Variants in SLC39A11 observed in about 807,000 individuals in gnomAD.
SLC39A11 encodes the protein solute carrier family 39 member 11, also known as zinc transporter ZIP11.
A neutral mutation model predicts 36.1 loss-of-function variants in SLC39A11; 33 were observed. That is an observed-to-expected ratio of 0.91 (90% CI 0.69 to 1.22). The LOEUF is 1.22. Among genes scored for constraint, SLC39A11 ranks in the 50% most tolerant of loss-of-function variants. SLC39A11 has a pLI of 0.00. For synonymous variants in SLC39A11, 166 were observed against 170.3 expected, an observed-to-expected ratio of 0.97 and a Z score of 0.20; for missense variants, 432 against 430.3, an observed-to-expected ratio of 1.00 and a Z score of -0.03.
Position 72,803,030 on chromosome 17 carries a change from CCTTT to C in SLC39A11, c.601+46600_601+46603del, listed in dbSNP as rs759633974. The stretch of plus-strand genomic sequence containing the variant: ...TTCTTGGCCCTGTTAAACCCACCGT[CCTTT>C]CTATCAAACAAAAACGGAACGTCCT... On this transcript the variant is annotated intron_variant, in intron 6 of 9. Transcript: ENST00000255559. Among the ~76,000 whole-genome samples the C allele has an allele frequency of 2.3e-4, 35 of 152,218 alleles. 1 individual carries two copies. Among genetic ancestry groups the C allele is most frequent in the Admixed American group, 4.6e-4 (7 of 15,282 alleles).
intron 4 of SLC39A11, among the ~76,000 whole-genome samples, chr17:72,978,414 G>A (rs761955305): frequency 6.6e-6 from 1 of 152,132 alleles, no homozygotes; most frequent in East Asian, 1.9e-4. Context: ...ATATACAAAC[G>A]AACAAACTGG....
At chr17:72,736,930 G>T (rs1182304871) in intron 6 of SLC39A11, among the ~76,000 whole-genome samples, 2 of 152,052 alleles carry the variant, frequency 1.3e-5, no homozygotes, top group Non-Finnish European at 2.9e-5. Context: ...AATGATTTTT[G>T]TATTTTTTAA....
chr17:72,971,079 CTT>C (rs570670652), intron 4 of SLC39A11, among the ~76,000 whole-genome samples: 29 of 152,314 alleles, frequency 1.9e-4, no homozygotes, highest in Middle Eastern at 6.8e-3. Context: ...ACCCAGACCT[CTT>C]GTTTCTCCAA....
chr17:72,738,063 G>A (rs1408325813), intron 6 of SLC39A11, among the ~76,000 whole-genome samples: 2 of 152,150 alleles, frequency 1.3e-5, no homozygotes, highest in East Asian at 3.9e-4. Flanking sequence ...GGAGTGCAGT[G>A]GCATGATCTC....
intron 3 of SLC39A11, among the ~76,000 whole-genome samples, chr17:73,042,575 C>G (rs2059145033): frequency 6.6e-6 from 1 of 152,188 alleles, no homozygotes. Flanking sequence ...CCAAGGCAGG[C>G]AGATCGCCTG....
chr17:72,731,709 CT>C (rs956099679), intron 7 of SLC39A11, among the ~76,000 whole-genome samples: 1 of 136,118 alleles, frequency 7.3e-6, no homozygotes, highest in Non-Finnish European at 1.6e-5. Context: ...TGGTGCATTC[CT>C]TTTTTTGTTT....
At position 73,023,011 on chromosome 17, in the gene SLC39A11, C is replaced by T. The variant is rs144432334; in HGVS notation, c.306+8545G>A. 2.8e-3 allele frequency among the ~76,000 whole-genome samples: 422 copies of T among 152,314 alleles called. 1 individual carries two copies. Among genetic ancestry groups the T allele is most frequent in the East Asian group, 0.017 (90 of 5,184 alleles). On this transcript the variant is annotated intron_variant, in intron 4 of 9. Coordinates refer to ENST00000255559, the MANE Select transcript of SLC39A11 (RefSeq NM_139177.4). ...CCCCAAGCCCAGAATTATCAGGCACCGCTTCCATTACTGCAAGCTCACAGG... is the reference window on the plus strand; with the variant it reads ...CCCCAAGCCCAGAATTATCAGGCACTGCTTCCATTACTGCAAGCTCACAGG...
At chr17:73,039,318 C>T (rs532974660) in intron 3 of SLC39A11, among the ~76,000 whole-genome samples, 5 of 152,228 alleles carry the variant, frequency 3.3e-5, no homozygotes, top group South Asian at 4.2e-4. Context: ...ACTTCTAAGG[C>T]GGCTCTTTTC....
chr17:72,845,010 G>A (rs1311142274), intron 6 of SLC39A11, among the ~76,000 whole-genome samples: 5 of 152,060 alleles, frequency 3.3e-5, no homozygotes, highest in East Asian at 3.9e-4. Flanking sequence ...ACCTTCAATC[G>A]GGACCCAGGA....
chr17:72,951,228 C>T (rs1007102840), intron 4 of SLC39A11, among the ~76,000 whole-genome samples: 7 of 143,230 alleles, frequency 4.9e-5, no homozygotes, highest in Non-Finnish European at 8.9e-5. Context: ...CACTACTGCA[C>T]TCCAGCCTGG....
intron 5 of SLC39A11, among the ~76,000 whole-genome samples, chr17:72,927,517 C>T (rs529566426): frequency 1.1e-4 from 17 of 152,062 alleles, no homozygotes; most frequent in Non-Finnish European, 2.2e-4. Context: ...ACTGATGCTG[C>T]TTTAAAACAA....
intron 5 of SLC39A11, among the ~76,000 whole-genome samples, chr17:72,904,404 T>A (rs2082546842): frequency 1.3e-5 from 2 of 152,094 alleles, no homozygotes; most frequent in Admixed American, 1.3e-4. Flanking sequence ...CCATACAGTG[T>A]CCAAAATAAG....
Position 73,015,761 on chromosome 17 carries a change from T to C in SLC39A11, c.306+15795A>G, listed in dbSNP as rs369812461. The stretch of plus-strand genomic sequence containing the variant: ...CCACGCCCAGCTAATTTTTGTATTT[T>C]GACTAGAGATGAGGTTTCCCCATAT... On this transcript the variant is annotated intron_variant, in intron 4 of 9. Transcript: ENST00000255559. Among the ~76,000 whole-genome samples the C allele has an allele frequency of 2.6e-5, 4 of 152,146 alleles. No individual in the cohort carries two copies. In the South Asian group the frequency reaches 8.3e-4, roughly 32 times the overall value.
At position 72,665,389 on chromosome 17, in the gene SLC39A11, G is replaced by GTTTTTTTTTTTTTTTTTTTTTT. The variant is rs780329919; in HGVS notation, c.672-16122_672-16121insAAAAAAAAAAAAAAAAAAAAAA. Among the ~76,000 whole-genome samples, 49 of 76,612 alleles carry GTTTTTTTTTTTTTTTTTTTTTT rather than the reference G, an allele frequency of 6.4e-4. 10 individuals carry two copies. Among genetic ancestry groups the GTTTTTTTTTTTTTTTTTTTTTT allele is most frequent in the Non-Finnish European group, 9.1e-4 (38 of 41,574 alleles). The allele number at this position is 76,612 out of a possible 152,430, so 50.3% of individuals were successfully genotyped here. The stretch of plus-strand genomic sequence containing the variant: ...GGTTTAAGCCACCAAGTTTTGAGGT[G>GTTTTTTTTTTTTTTTTTTTTTT]TTTTTTTTTTTTTTTTTTTTTGAGA... On this transcript the variant is annotated intron_variant, in intron 7 of 9. Transcript: ENST00000255559.
chr17:72,699,806 C>G (rs573018658), intron 7 of SLC39A11, among the ~76,000 whole-genome samples: 2 of 152,144 alleles, frequency 1.3e-5, no homozygotes, highest in Middle Eastern at 3.2e-3. Context: ...TTAACTCCAC[C>G]GCATGTGATT....
chr17:72,716,980 A>AATATAT (rs772844911), intron 7 of SLC39A11, among the ~76,000 whole-genome samples: 3,078 of 130,374 alleles, frequency 0.024, 67 homozygotes, highest in Middle Eastern at 0.069. Flanking sequence ...AAAAAAAAAA[A>AATATAT]ATATATATAT....
intron 4 of SLC39A11, among the ~76,000 whole-genome samples, chr17:72,968,989 T>C (rs2087226287): frequency 6.6e-6 from 1 of 151,890 alleles, no homozygotes; most frequent in Non-Finnish European, 1.5e-5. Context: ...CGTGCTCAGG[T>C]CTACCATGGG....
At chr17:72,846,018 C>CTCTTTTTTTTTTTTTTTTT (rs2079035587) in intron 6 of SLC39A11, among the ~76,000 whole-genome samples, 1 of 57,950 alleles carries the variant, frequency 1.7e-5, no homozygotes, top group African/African-American at 8.5e-5. Flanking sequence ...CTCTCTCTCT[C>CTCTTTTTTTTTTTTTTTTT]TTTTTTTTTT....
intron 5 of SLC39A11, among the ~76,000 whole-genome samples, chr17:72,940,266 G>A (rs1055046350): frequency 7.0e-6 from 1 of 143,744 alleles, no homozygotes; most frequent in Non-Finnish European, 1.5e-5. Flanking sequence ...ATCAGACTTA[G>A]AGCCATCTGA....
Sources: gnomAD v4.1 joint callset for allele counts (sites outside exome capture counted in the v4.1 genomes callset) on GRCh38, gnomAD v4.1.1 for gene constraint, MANE v1.5 for transcripts, NCBI Gene and HGNC (gene_info 2026-07-23, HGNC 2026-07-21) for gene names.